Variants in ZDHHC7 observed in about 807,000 individuals in gnomAD.
The protein encoded by ZDHHC7 is zDHHC palmitoyltransferase 7.
In ZDHHC7, 12 loss-of-function variants were observed where a neutral mutation model predicts 34.1. That is an observed-to-expected ratio of 0.35 (90% CI 0.23 to 0.57). The LOEUF is 0.57. ZDHHC7 is among the 20% of genes least tolerant of loss of function. The probability of loss-of-function intolerance (pLI) is 0.84; values close to 1 mark genes in which losing one functional copy is unlikely to be tolerated. For synonymous variants in ZDHHC7, 185 were observed against 155.4 expected, an observed-to-expected ratio of 1.19 and a Z score of -1.42; for missense variants, 388 against 402.7, an observed-to-expected ratio of 0.96 and a Z score of 0.31.
intron 1 of ZDHHC7, among the ~76,000 whole-genome samples, chr16:85,007,877 C>T (rs986540281): frequency 6.6e-6 from 1 of 151,972 alleles, no homozygotes; most frequent in African/African-American, 2.4e-5. Context: ...TATAACATGC[C>T]TCCGGGCGGC....
the ZDHHC7 span, among the ~76,000 whole-genome samples, chr16:85,021,957 C>T: frequency 1.4e-5 from 2 of 148,068 alleles, no homozygotes; most frequent in South Asian, 4.3e-4. Context: ...GAGATCGGGA[C>T]CATCCTGGCC....
chr16:85,021,911 C>T, the ZDHHC7 span, among the ~76,000 whole-genome samples: 2 of 151,902 alleles, frequency 1.3e-5, no homozygotes, highest in Non-Finnish European at 2.9e-5. Flanking sequence ...AATCGCAGCA[C>T]TTTGGGAGGC....
rs141753533 is a variant in ZDHHC7, at chr16:85,004,027, T to C, written c.-104+7259A>G. On this transcript the variant is annotated intron_variant, in intron 1 of 7. Transcript: ENST00000313732. ...TGGGGAACCTCAGTTTCACGAAGTT[T>C]AAACAAAAAAAGATATCTGGAAAAC... is the stretch of plus-strand genomic sequence containing the variant. 2.3e-3 allele frequency among the ~76,000 whole-genome samples: 345 copies of C among 152,048 alleles called. 3 individuals carry two copies. The Middle Eastern group carries it at 0.024, about 10-fold the overall frequency.
chr16:85,003,614 T>C (rs1403656737), intron 1 of ZDHHC7, among the ~76,000 whole-genome samples: 2 of 151,884 alleles, frequency 1.3e-5, no homozygotes, highest in African/African-American at 4.8e-5. Context: ...AAAAAAAAAA[T>C]CCACACCAGA....
At chr16:85,009,016 G>T (rs1489467281) in intron 1 of ZDHHC7, among the ~76,000 whole-genome samples, 1 of 148,858 alleles carries the variant, frequency 6.7e-6, no homozygotes, top group Non-Finnish European at 1.5e-5. Flanking sequence ...CTGCACTCCA[G>T]CCTGGGCAAC....
intron 1 of ZDHHC7, among the ~76,000 whole-genome samples, chr16:85,006,303 G>C (rs9924345): frequency 6.6e-6 from 1 of 151,948 alleles, no homozygotes; most frequent in African/African-American, 2.4e-5. Flanking sequence ...AGGCTGCAGT[G>C]AGCTATGACT....
At chr16:84,981,847 G>T in intron 4 of ZDHHC7, 23 bp downstream of exon 4, 1 of 1,613,560 alleles carries the variant, frequency 6.2e-7, no homozygotes, top group Non-Finnish European at 8.5e-7. Flanking sequence ...ATGCGCTCGG[G>T]TTTAATACAG....
chr16:84,986,956 G>C (rs2072444561), intron 3 of ZDHHC7, among the ~76,000 whole-genome samples: 1 of 152,166 alleles, frequency 6.6e-6, no homozygotes, highest in African/African-American at 2.4e-5. Context: ...ACCTGACCCT[G>C]CTGGGCCATG....
chr16:85,027,104 G>C, the ZDHHC7 span, among the ~76,000 whole-genome samples: 2 of 152,148 alleles, frequency 1.3e-5, no homozygotes, highest in African/African-American at 2.4e-5. Flanking sequence ...AAAAGATGCC[G>C]ACTGGCCTAG....
chr16:84,987,677 C>T (rs139022110), intron 3 of ZDHHC7, among the ~76,000 whole-genome samples: 1 of 152,178 alleles, frequency 6.6e-6, no homozygotes, highest in Non-Finnish European at 1.5e-5. Flanking sequence ...TTTGTAACAG[C>T]CGAAAAGCAG....
upstream of ZDHHC7, among the ~76,000 whole-genome samples, chr16:85,013,543 A>C (rs887972143): frequency 3.3e-5 from 5 of 151,208 alleles, no homozygotes; most frequent in Non-Finnish European, 7.4e-5. Flanking sequence ...ACGCCCGGCC[A>C]AAGGTATTAT....
rs779916049 is a variant in ZDHHC7, at chr16:84,981,973, C to T, written c.337G>A (p.Ala113Thr). 9.3e-5 allele frequency: 150 copies of T among 1,614,004 alleles called. No individual in the cohort carries two copies. Among genetic ancestry groups the T allele is most frequent in the Non-Finnish European group, 1.1e-4 (135 of 1,180,024 alleles). ...AAGCTCTCCATGTATTCTTTCGTAG[C>T]GTTTCCTTTGGGTACTGCCCCCTAC... ...TDPGAVPKGN[A>T]TKEYMESLQL... Residue 113 changes from alanine to threonine, a missense_variant, in exon 4 of 8, where the codon GCT becomes ACT. Physicochemically the swap from Ala to Thr is moderately conservative, Grantham distance 58. Coordinates refer to ENST00000313732, the MANE Select transcript of ZDHHC7 (RefSeq NM_017740.3).
At chr16:85,025,432 C>G in the ZDHHC7 span, among the ~76,000 whole-genome samples, 1 of 151,112 alleles carries the variant, frequency 6.6e-6, no homozygotes, top group Non-Finnish European at 1.5e-5. Flanking sequence ...GGGGGGGGGA[C>G]TAAGTCTCAC....
chr16:85,010,495 C>T (rs991875936), intron 1 of ZDHHC7, among the ~76,000 whole-genome samples: 6 of 152,170 alleles, frequency 3.9e-5, no homozygotes, highest in Admixed American at 1.3e-4. Context: ...TAGATAAATA[C>T]GTGCGCTTAA....
At chr16:85,008,356 A>G (rs544283029) in intron 1 of ZDHHC7, among the ~76,000 whole-genome samples, 7 of 152,124 alleles carry the variant, frequency 4.6e-5, no homozygotes, top group African/African-American at 1.7e-4. Flanking sequence ...CAGGCTGGCA[A>G]TACTCCATGC....
the ZDHHC7 span, among the ~76,000 whole-genome samples, chr16:85,021,622 G>A: frequency 6.6e-6 from 1 of 151,934 alleles, no homozygotes; most frequent in Non-Finnish European, 1.5e-5. Context: ...GAAGACTGAG[G>A]CACGAGAATC....
chr16:85,022,109 G>A, the ZDHHC7 span, among the ~76,000 whole-genome samples: 2 of 151,446 alleles, frequency 1.3e-5, no homozygotes, highest in Non-Finnish European at 1.5e-5. Flanking sequence ...GCAGTGAGCC[G>A]AGATCGCGCC....
At position 84,988,900 on chromosome 16, in the gene ZDHHC7, C is replaced by T. The variant is rs541700848; in HGVS notation, c.315+1404G>A. On this transcript the variant is annotated intron_variant, in intron 3 of 7. Coordinates refer to ENST00000313732, the MANE Select transcript of ZDHHC7 (RefSeq NM_017740.3). The stretch of plus-strand genomic sequence containing the variant: ...TACAAGGCAATATTCCAGTAAAAAT[C>T]GCTGAGCTGGACCTGGCCCTGTAGC... The T allele has an allele frequency of 5.8e-6, 9 of 1,549,468 alleles. No homozygotes were observed. In the East Asian group the frequency reaches 2.0e-4, roughly 34 times the overall value.
chr16:84,982,922 A>G (rs1056514268), intron 3 of ZDHHC7, among the ~76,000 whole-genome samples: 3 of 152,246 alleles, frequency 2.0e-5, no homozygotes, highest in African/African-American at 7.2e-5. Context: ...ATGTCAACTG[A>G]GGACCCGCTG....
Sources: allele counts gnomAD v4.1 joint callset (sites outside exome capture counted in the v4.1 genomes callset), GRCh38; gene constraint gnomAD v4.1.1; transcripts MANE v1.5; gene names NCBI Gene and HGNC (gene_info 2026-07-23, HGNC 2026-07-21).